Variants in SPATA20 observed in about 807,000 individuals in gnomAD.
SPATA20 encodes spermatogenesis associated 20, also known as spermatogenesis-associated protein 20.
SPATA20 carries 74 observed loss-of-function variants against 98.9 expected under a neutral mutation model. The observed-to-expected ratio is 0.75, with a 90% CI of 0.62 to 0.91. SPATA20 has a LOEUF of 0.91. Ranked by LOEUF, SPATA20 falls within the 40% of genes least tolerant of loss-of-function variation. The pLI is 0.00. For missense variants in SPATA20, 1,016 were observed against 1,069.8 expected (o/e 0.95, Z 0.70); for synonymous variants, 430 against 440.5 (o/e 0.98, Z 0.30).
rs2034928336 is a variant in SPATA20, at chr17:50,547,260, G to A, written c.52G>A (p.Gly18Ser). The A allele has an allele frequency of 7.3e-7, 1 of 1,375,076 alleles. No individual in the cohort carries two copies. The highest frequency in any genetic ancestry group is 9.3e-7 in the Non-Finnish European group (1 of 1,072,880). 85.2% of individuals were successfully genotyped at this position (1,375,076 alleles called of 1,614,324 possible). A position where few individuals can be genotyped will look rare whatever the true frequency, so the allele number is the denominator to read the frequency against. The change falls in exon 1 of 17, where the codon GGT (glycine) becomes AGT (serine). Residue 18 changes from glycine to serine, a missense_variant. Coordinates refer to ENST00000006658, the MANE Select transcript of SPATA20 (RefSeq NM_022827.4). ...CCGCGTCCTTCTGCTGCCCCGCGCC[G>A]GTGCAGGCCTCGCCGCGAGCCGCAG... ...LGRVLLLPRA[G>S]AGLAASRRCP...
rs1183678947 is a variant in SPATA20, at chr17:50,551,586, G to A, written c.1652G>A (p.Gly551Asp). 2 of 1,607,940 alleles carry A rather than the reference G, an allele frequency of 1.2e-6. No homozygotes were observed. The highest frequency in any genetic ancestry group is 1.1e-5 in the South Asian group (1 of 90,964). ...AGGCTGATCAACTATGCCACCAATG[G>A]TGCCAAGTTCCTGAAGCGGCACATG... ...QDRLINYATN[G>D]AKFLKRHMFD... Residue 551 changes from glycine to aspartate, a missense_variant, in exon 13 of 17, where the codon GGT (glycine) becomes GAT (aspartate). Transcript: ENST00000006658.
Position 50,548,391 on chromosome 17 carries a change from C to T in SPATA20, c.234C>T (p.Pro78=). 6.2e-7 allele frequency: 1 copy of T among 1,614,038 alleles called. No individual in the cohort carries two copies. Among genetic ancestry groups the T allele is most frequent in the Middle Eastern group, 1.7e-4 (1 of 6,060 alleles). The change falls in exon 3 of 17, where the codon CCC becomes CCT. Residue 78 remains proline (P), a synonymous_variant. Coordinates refer to ENST00000006658, the MANE Select transcript of SPATA20 (RefSeq NM_022827.4). ...CTTCATCTACACCCCAGAGGGTCCC[C>T]AACCGCCTGATCCACGAGAAGTCAC... ...SHPSSTPQRV[P]NRLIHEKSPY...
At position 50,552,200 on chromosome 17, in the gene SPATA20, T is replaced by C. The variant is rs375906651; in HGVS notation, c.1957+20T>C. The C allele has an allele frequency of 1.1e-4, 172 of 1,608,276 alleles. No homozygotes were observed. The African/African-American group carries it at 2.0e-3, about 18-fold the overall frequency. ...AGGACGGTCAGTGGGGGTGCAGGGC[T>C]AGTCTGGGGTCCTGGGAGGTGTAAG... On this transcript the variant is annotated intron_variant, in intron 14 of 16. Transcript: ENST00000006658.
At position 50,555,665 on chromosome 17, in the gene SPATA20, GC is replaced by G; in HGVS notation, c.*7del. On this transcript the variant is annotated 3_prime_UTR_variant, in exon 17 of 17. Transcript: ENST00000006658. ...TACGAAAACTACTACATCCATGACTGCCCCAACCCCCTTGGGGTGGGGCAGA... is the reference window on the plus strand; with the variant it reads ...TACGAAAACTACTACATCCATGACTGCCCAACCCCCTTGGGGTGGGGCAGA... 1 of 1,613,062 alleles carries G rather than the reference GC, an allele frequency of 6.2e-7. No individual in the cohort carries two copies. The highest frequency in any genetic ancestry group is 2.2e-5 in the East Asian group (1 of 44,854).
chr17:50,550,644 T>C (rs1567910032), intron 10 of SPATA20, 34 bp downstream of exon 10: 1 of 1,613,138 alleles, frequency 6.2e-7, no homozygotes, highest in East Asian at 2.2e-5. Context: ...GGCCTGGCTG[T>C]GGGAGGGGTT....
chr17:50,555,632 C>G lies in SPATA20; in HGVS notation c.2379C>G (p.Pro793=), dbSNP rs141829573. Residue 793 remains proline, a synonymous_variant, in exon 17 of 17, where the codon CCC becomes CCG. Transcript: ENST00000006658. ...CCTGCTCAGTGCCCATCACTGATCCCTGCGAATTACGAAAACTACTACATC... is the reference window on the plus strand; with the variant it reads ...CCTGCTCAGTGCCCATCACTGATCCGTGCGAATTACGAAAACTACTACATC... The part of the protein sequence containing the change: ...NQACSVPITD[P]CELRKLLHP 8 of 1,614,028 alleles carry G rather than the reference C, an allele frequency of 5.0e-6. 1 individual carries two copies. The highest frequency in any genetic ancestry group is 1.7e-4 in the Middle Eastern group (1 of 6,060).
intron 15 of SPATA20, among the ~76,000 whole-genome samples, chr17:50,555,014 G>A (rs895149124): frequency 3.3e-5 from 5 of 151,786 alleles, no homozygotes; most frequent in African/African-American, 4.8e-5. Context: ...CTGTACCATT[G>A]TGTATATGTA....
In SPATA20 at chr17:50,550,285, C is replaced by T. The variant is rs200017654; in HGVS notation, c.1071C>T (p.Leu357=). ...FEKMLYDQAQ[L]AVAYSQAFQL... is the part of the protein sequence containing the mutation. ...AGATGCTCTATGACCAGGCACAGCT[C>T]GCTGTGGCCTATTCGCAGGCCTTCC... The change falls in exon 9 of 17, where the codon CTC becomes CTT. Residue 357 remains leucine, a synonymous_variant. Transcript: ENST00000006658. The T allele has an allele frequency of 5.0e-6, 8 of 1,598,608 alleles. No homozygotes were observed. Among genetic ancestry groups the T allele is most frequent in the Middle Eastern group, 1.7e-4 (1 of 6,002 alleles).
At position 50,548,319 on chromosome 17, in the gene SPATA20, G is replaced by A. The variant is rs145832246; in HGVS notation, c.162G>A (p.Thr54=). The part of the protein sequence containing the change: ...SSSRDKDRSA[T]VSSSVPMPAG... The stretch of plus-strand genomic sequence containing the variant: ...CCCGGGACAAGGACCGAAGTGCGAC[G>A]GTCAGTAGTTCAGTGCCCATGCCTG... The change falls in exon 3 of 17, where the codon ACG becomes ACA. Residue 54 remains threonine, a synonymous_variant. Coordinates refer to ENST00000006658, the MANE Select transcript of SPATA20 (RefSeq NM_022827.4). 8.1e-6 allele frequency: 13 copies of A among 1,613,650 alleles called. No homozygotes were observed. The highest frequency in any genetic ancestry group is 4.4e-5 in the South Asian group (4 of 91,076).
In SPATA20 at chr17:50,550,052, G is replaced by C. The variant is rs1236108325; in HGVS notation, c.930G>C (p.Gln310His). 3 of 1,605,680 alleles carry C rather than the reference G, an allele frequency of 1.9e-6. No homozygotes were observed. The South Asian group carries it at 3.3e-5, about 18-fold the overall frequency. Residue 310 changes from glutamine (Q) to histidine (H), a missense_variant, in exon 8 of 17, where the codon CAG (glutamine) becomes CAC (histidine). By Grantham distance (24) the Gln-to-His change is conservative (BLOSUM62 0). Coordinates refer to ENST00000006658, the MANE Select transcript of SPATA20 (RefSeq NM_022827.4). ...TGACTCAGGATGGCTCTCGGGCCCA[G>C]CAGATGGCCTTGCATACCCTGAAAA... Reference protein sequence around the residue: ...HRLTQDGSRAQQMALHTLKMM... With the variant: ...HRLTQDGSRAHQMALHTLKMM...
Position 50,548,604 on chromosome 17 carries a change from C to T in SPATA20, c.347C>T (p.Pro116Leu), listed in dbSNP as rs758826497. 20 of 1,613,186 alleles carry T rather than the reference C, an allele frequency of 1.2e-5. No homozygotes were observed. Among genetic ancestry groups the T allele is most frequent in the African/African-American group, 9.4e-5 (7 of 74,858 alleles). The change falls in exon 4 of 17, where the codon CCG becomes CTG. Residue 116 changes from proline (P) to leucine (L), a missense_variant. Coordinates refer to ENST00000006658, the MANE Select transcript of SPATA20 (RefSeq NM_022827.4). ...AFDKARKENKPIFLSVGYSTC... is the reference protein window; with the variant it reads ...AFDKARKENKLIFLSVGYSTC... Reference sequence around the variant, plus strand: ...GACAAGGCCAGGAAGGAAAACAAGCCGATTTTCCTCTCAGGTAATGCTCCC... The same window carrying T: ...GACAAGGCCAGGAAGGAAAACAAGCTGATTTTCCTCTCAGGTAATGCTCCC...
chr17:50,553,370 A>AT (rs2035045081), intron 14 of SPATA20, among the ~76,000 whole-genome samples: 1 of 152,160 alleles, frequency 6.6e-6, no homozygotes, highest in African/African-American at 2.4e-5. Context: ...GACAGGTGTC[A>AT]TTTAACCAAG....
Position 50,551,623 on chromosome 17 carries a change from C to G in SPATA20, c.1689C>G (p.Ala563=), listed in dbSNP as rs747502783. ...KFLKRHMFDV[A]SGRLMRTCYT... ...TGAAGCGGCACATGTTTGATGTGGC[C>G]AGTGGCCGCCTGATGCGGACCTGCT... Residue 563 remains alanine (A), a synonymous_variant, in exon 13 of 17, where the codon GCC becomes GCG. Transcript: ENST00000006658. The G allele has an allele frequency of 1.9e-6, 3 of 1,603,854 alleles. No homozygotes were observed. In the South Asian group the frequency reaches 3.3e-5, roughly 18 times the overall value.
Position 50,554,452 on chromosome 17 carries a change from T to C in SPATA20, c.2157+2T>C. On this transcript the variant is annotated splice_donor_variant, in intron 15 of 16. Coordinates refer to ENST00000006658, the MANE Select transcript of SPATA20 (RefSeq NM_022827.4). LOFTEE classifies it high-confidence loss of function. ...GCCCAGCAGCAGACCCTCAAGCAGG[T>C]GGGGGGTGAGGGCATCTGGGCTGGG... 1 of 1,609,076 alleles carries C rather than the reference T, an allele frequency of 6.2e-7. No individual in the cohort carries two copies. The highest frequency in any genetic ancestry group is 8.5e-7 in the Non-Finnish European group (1 of 1,179,764).
rs754652980 is a variant in SPATA20, at chr17:50,555,810, C to T, written c.*148C>T. On this transcript the variant is annotated 3_prime_UTR_variant, in exon 17 of 17. Coordinates refer to ENST00000006658, the MANE Select transcript of SPATA20 (RefSeq NM_022827.4). ...GGCCATACTCACTGCCCCCCTTGGG[C>T]ACCCACTCACCCTAGAATAAACTTA... The T allele has an allele frequency of 2.0e-4, 128 of 639,692 alleles. No homozygotes were observed. The highest frequency in any genetic ancestry group is 4.2e-4 in the Middle Eastern group (1 of 2,360). The allele number at this position is 639,692 out of a possible 1,614,324, so 39.6% of individuals were successfully genotyped here. A position where few individuals can be genotyped will look rare whatever the true frequency, so the allele number is the denominator to read the frequency against.
rs866074779 is a variant in SPATA20 at position 50,548,980 on chromosome 17, C to T, written c.516+16C>T. ...GTTCGTGCAGGTGAGCAGCCCTCCT[C>T]GGGAGTGTATGCGCCACATGGGCTC... On this transcript the variant is annotated intron_variant, in intron 5 of 16. Transcript: ENST00000006658. 17 of 1,613,972 alleles carry T rather than the reference C, an allele frequency of 1.1e-5. No homozygotes were observed. The highest frequency in any genetic ancestry group is 5.3e-5 in the African/African-American group (4 of 74,922).
intron 1 of SPATA20, chr17:50,547,494 C>T (rs577507241): frequency 1.1e-5 from 7 of 640,286 alleles, no homozygotes; most frequent in African/African-American, 5.4e-5. Flanking sequence ...CCCTTCCCTC[C>T]TCTCCCCTTC....
Position 50,550,867 on chromosome 17 carries a change from C to T in SPATA20, c.1333C>T (p.Leu445Phe). The part of the protein sequence containing the change: ...ATEPLTSGQL[L>F]MKHYGLTEAG... ...CGAGCCGCTGACCTCAGGCCAGCTC[C>T]TCATGAAGCACTACGGCCTCACAGA... is the stretch of plus-strand genomic sequence containing the variant. Residue 445 changes from leucine (L) to phenylalanine (F), a missense_variant, in exon 11 of 17, where the codon CTC (leucine) becomes TTC (phenylalanine). Physicochemically the swap from Leu to Phe is conservative, Grantham distance 22. Transcript: ENST00000006658. The T allele has an allele frequency of 6.2e-7, 1 of 1,613,136 alleles. No homozygotes were observed. The highest frequency in any genetic ancestry group is 8.5e-7 in the Non-Finnish European group (1 of 1,180,040).
At position 50,555,440 on chromosome 17, in the gene SPATA20, G is replaced by A. The variant is rs990884491; in HGVS notation, c.2239-52G>A. On this transcript the variant is annotated intron_variant, in intron 16 of 16. Coordinates refer to ENST00000006658, the MANE Select transcript of SPATA20 (RefSeq NM_022827.4). ...ACTTCCCAGTGGGCCTTTCTAATGG[G>A]CAGGTGACCCCACCCCGGCAGGTGA... 4 of 1,608,608 alleles carry A rather than the reference G, an allele frequency of 2.5e-6. No homozygotes were observed. The African/African-American group carries it at 5.4e-5, about 22-fold the overall frequency.
Sources: allele counts gnomAD v4.1 joint callset (sites outside exome capture counted in the v4.1 genomes callset), GRCh38; gene constraint gnomAD v4.1.1; transcripts MANE v1.5; gene names NCBI Gene and HGNC (gene_info 2026-07-23, HGNC 2026-07-21).